C3orf52: variants seen among roughly 807,000 people sequenced by gnomAD.
C3orf52 encodes chromosome 3 open reading frame 52.
A neutral mutation model predicts 24.8 loss-of-function variants in C3orf52; 22 were observed. That is an observed-to-expected ratio of 0.89 (90% CI 0.63 to 1.27). The LOEUF is 1.27. C3orf52 is among the 50% of genes most tolerant of loss of function. The pLI is 0.00. For missense variants in C3orf52, 265 were observed against 260.7 expected, an observed-to-expected ratio of 1.02 and a Z score of -0.11; for synonymous variants, 93 against 100.2, an observed-to-expected ratio of 0.93 and a Z score of 0.43.
chr3:112,133,250 AAGG>A (rs953664610), downstream of C3orf52: 21 of 926,796 alleles, frequency 2.3e-5, no homozygotes, highest in Non-Finnish European at 3.7e-5. Flanking sequence ...AGACAGCAGA[AAGG>A]AGAAGGGTGT....
At position 112,086,437 on chromosome 3, in the gene C3orf52, A is replaced by G. The variant is rs1195572041; in HGVS notation, c.30A>G (p.Val10=). 9.0e-6 allele frequency: 14 copies of G among 1,551,050 alleles called. No homozygotes were observed. Among genetic ancestry groups the G allele is most frequent in the Non-Finnish European group, 1.1e-5 (13 of 1,146,616 alleles). ...ACCTGGCCCAACCCTCACAGCCAGT[A>G]GACGAGCTGGAGCTCTCGGTGCTCG... MDLAQPSQP[V]DELELSVLER... is the part of the protein sequence containing the mutation. Residue 10 remains valine (V), a synonymous_variant, in exon 1 of 6, where the codon GTA becomes GTG. Transcript: ENST00000264848.
intron 4 of C3orf52, chr3:112,126,978 A>G: frequency 6.4e-7 from 1 of 1,566,576 alleles, no homozygotes; most frequent in South Asian, 1.1e-5. Context: ...TAGGAAATCA[A>G]TGACTTACTT....
chr3:112,123,084 C>T (rs892510333), downstream of C3orf52: 3 of 242,846 alleles, frequency 1.2e-5, no homozygotes, highest in African/African-American at 6.8e-5. Flanking sequence ...GTAAAGCTTC[C>T]TTGTGACTTT....
At chr3:112,107,431 T>A (rs1466285826) in intron 3 of C3orf52, among the ~76,000 whole-genome samples, 1 of 152,226 alleles carries the variant, frequency 6.6e-6, no homozygotes, top group East Asian at 1.9e-4. Flanking sequence ...TGTCAGCCTA[T>A]CGGCAACATC....
At chr3:112,098,233 G>A (rs1225202812) in intron 2 of C3orf52, among the ~76,000 whole-genome samples, 1 of 152,120 alleles carries the variant, frequency 6.6e-6, no homozygotes, top group Admixed American at 6.5e-5. Context: ...TTGTCTGATC[G>A]TGGAAGCCAA....
chr3:112,088,956 G>A (rs1407185757), intron 1 of C3orf52, among the ~76,000 whole-genome samples: 1 of 152,174 alleles, frequency 6.6e-6, no homozygotes, highest in African/African-American at 2.4e-5. Flanking sequence ...AAAAGCAGTA[G>A]AAGGAACTTC....
chr3:112,114,754 C>A (rs2074120022), intron 5 of C3orf52, among the ~76,000 whole-genome samples: 1 of 152,112 alleles, frequency 6.6e-6, no homozygotes, highest in Admixed American at 6.5e-5. Flanking sequence ...TGTGAAGAGG[C>A]CTGCGATGCC....
downstream of C3orf52, among the ~76,000 whole-genome samples, chr3:112,119,100 A>T (rs1157552170): frequency 6.6e-6 from 1 of 152,164 alleles, no homozygotes; most frequent in Non-Finnish European, 1.5e-5. Flanking sequence ...AAACAAAGGC[A>T]GTCTGGGCGC....
chr3:112,101,016 C>A (rs1465289212), intron 2 of C3orf52, among the ~76,000 whole-genome samples: 1 of 152,180 alleles, frequency 6.6e-6, no homozygotes, highest in Non-Finnish European at 1.5e-5. Context: ...TGCTTTGTTA[C>A]AATTTCCTGC....
At chr3:112,093,737 C>T (rs1435641770) in intron 2 of C3orf52, among the ~76,000 whole-genome samples, 1 of 152,186 alleles carries the variant, frequency 6.6e-6, no homozygotes, top group African/African-American at 2.4e-5. Context: ...TTACTTTAAA[C>T]TCTGCTCATT....
At chr3:112,096,718 G>A (rs1420390493) in intron 2 of C3orf52, among the ~76,000 whole-genome samples, 3 of 151,970 alleles carry the variant, frequency 2.0e-5, no homozygotes, top group African/African-American at 7.3e-5. Flanking sequence ...TGTCCAGTGG[G>A]GAGTTATATT....
At chr3:112,115,963 T>C (rs938204406) in intron 5 of C3orf52, among the ~76,000 whole-genome samples, 9 of 152,176 alleles carry the variant, frequency 5.9e-5, no homozygotes, top group Admixed American at 6.5e-5. Flanking sequence ...AAGTCTGTTT[T>C]ACAAAGGTCG....
chr3:112,123,342 G>C (rs2074235417), intron 4 of C3orf52: 3 of 1,514,952 alleles, frequency 2.0e-6, no homozygotes, highest in Admixed American at 4.5e-5. Flanking sequence ...CAGGGAAAGG[G>C]TTGTTGTGGG....
intron 1 of C3orf52, 145 bp from the exon 2 acceptor site, chr3:112,093,215 C>G (rs560700923): frequency 4.1e-6 from 3 of 736,402 alleles, no homozygotes; most frequent in African/African-American, 3.6e-5. Flanking sequence ...TCTGATCTCT[C>G]TTTTTGAAAA....
At chr3:112,133,127 A>C (rs372283218), downstream of C3orf52, 6 of 1,613,790 alleles carry the variant, frequency 3.7e-6, no homozygotes, top group Admixed American at 3.3e-5. Flanking sequence ...CCATCCTCTC[A>C]GTCCTCTCAG....
At chr3:112,109,480 C>T in intron 3 of C3orf52, 63 bp from the exon 4 acceptor site, 1 of 1,042,302 alleles carries the variant, frequency 9.6e-7, no homozygotes, top group Non-Finnish European at 1.4e-6. Context: ...TTTGCTTTGT[C>T]AGGTGATGTG....
intron 2 of C3orf52, among the ~76,000 whole-genome samples, chr3:112,101,409 C>G (rs974860695): frequency 6.6e-6 from 1 of 152,106 alleles, no homozygotes; most frequent in Non-Finnish European, 1.5e-5. Flanking sequence ...ATTCAGTACC[C>G]GGGGTTTTCA....
At chr3:112,115,732 T>C (rs2074128226) in intron 5 of C3orf52, among the ~76,000 whole-genome samples, 1 of 152,224 alleles carries the variant, frequency 6.6e-6, no homozygotes, top group Non-Finnish European at 1.5e-5. Context: ...TAGATTGTAA[T>C]TTAGATTCCT....
Position 112,102,825 on chromosome 3 carries a change from C to T in C3orf52, c.269-13C>T, listed in dbSNP as rs747635747. On this transcript the variant is annotated splice_polypyrimidine_tract_variant and intron_variant, in intron 2 of 5. Coordinates refer to ENST00000264848, the MANE Select transcript of C3orf52 (RefSeq NM_024616.3). ...CTTTTGTTTTTCATTTCCACCTCCC[C>T]TACTTTCTTTAGTAACTTATGTTGA... The T allele has an allele frequency of 6.5e-7, 1 of 1,544,494 alleles. No homozygotes were observed. Among genetic ancestry groups the T allele is most frequent in the South Asian group, 1.2e-5 (1 of 81,226 alleles).
Sources: allele counts gnomAD v4.1 joint callset (sites outside exome capture counted in the v4.1 genomes callset), GRCh38; gene constraint gnomAD v4.1.1; transcripts MANE v1.5; gene names NCBI Gene and HGNC (gene_info 2026-07-23, HGNC 2026-07-21).